Variants in RBFOX1 observed in about 807,000 individuals in gnomAD.
The protein encoded by RBFOX1 is RNA binding fox-1 homolog 1.
Under a neutral mutation model 57.7 loss-of-function variants are expected in RBFOX1, and 8 were observed. That is an observed-to-expected ratio of 0.14 (90% CI 0.08 to 0.25). The LOEUF is 0.25. Ranked by LOEUF, RBFOX1 falls within the 10% of genes least tolerant of loss-of-function variation. The pLI is 1.00. For synonymous variants in RBFOX1, 326 were observed against 222.4 expected (o/e 1.47, Z -4.15); for missense variants, 611 against 548.5 (o/e 1.11, Z -1.14).
intron 3 of RBFOX1, among the ~76,000 whole-genome samples, chr16:5,755,162 C>T (rs1414962585): frequency 2.4e-5 from 3 of 122,482 alleles, no homozygotes; most frequent in South Asian, 3.2e-4. Context: ...CATCCTGCAC[C>T]GCCCTTAATC....
intron 2 of RBFOX1, among the ~76,000 whole-genome samples, chr16:6,640,112 A>C (rs1415156698): frequency 1.3e-5 from 2 of 152,198 alleles, no homozygotes; most frequent in East Asian, 1.9e-4. Context: ...GATTTTAAAC[A>C]GGGTACACTG....
At position 5,874,777 on chromosome 16, in the gene RBFOX1, C is replaced by T. The variant is rs139775633; in HGVS notation, c.351+7442C>T. On this transcript the variant is annotated intron_variant, in intron 4 of 19. Transcript: ENST00000641259. ...AGGGCATTGTAGCAAGACCCTCTCT[C>T]TCCAAACAATTTAGAAAATTAGCCA... Among the ~76,000 whole-genome samples the T allele has an allele frequency of 6.5e-4, 99 of 152,216 alleles. No homozygotes were observed. The East Asian group carries it at 0.016, about 25-fold the overall frequency.
intron 5 of RBFOX1, among the ~76,000 whole-genome samples, chr16:7,569,215 T>C (rs927167092): frequency 6.6e-6 from 1 of 152,176 alleles, no homozygotes; most frequent in African/African-American, 2.4e-5. Flanking sequence ...ATACACCTAG[T>C]AACTTCCACA....
At chr16:6,655,824 G>A (rs79491907) in intron 3 of RBFOX1, among the ~76,000 whole-genome samples, 2,349 of 152,208 alleles carry the variant, frequency 0.015, 63 homozygotes, top group African/African-American at 0.053. Flanking sequence ...TTCAAGCAGA[G>A]GTTTTCAGCT....
At chr16:7,540,918 A>T (rs1474085038) in intron 5 of RBFOX1, among the ~76,000 whole-genome samples, 1 of 152,176 alleles carries the variant, frequency 6.6e-6, no homozygotes. Flanking sequence ...ATTTACCACT[A>T]AAACCTGTGT....
intron 1 of RBFOX1, among the ~76,000 whole-genome samples, chr16:5,349,063 C>A (rs147353930): frequency 2.0e-5 from 3 of 152,326 alleles, no homozygotes; most frequent in African/African-American, 7.2e-5. Flanking sequence ...AATTTCTCCA[C>A]ATGCTGGTCA....
intron 3 of RBFOX1, among the ~76,000 whole-genome samples, chr16:6,700,134 T>C: frequency 6.6e-6 from 1 of 151,978 alleles, no homozygotes; most frequent in East Asian, 1.9e-4. Flanking sequence ...GTAGAGGCAT[T>C]CCCCTAAGGT....
chr16:6,291,182 A>G (rs892831184), intron 1 of RBFOX1, among the ~76,000 whole-genome samples: 1 of 152,140 alleles, frequency 6.6e-6, no homozygotes, highest in African/African-American at 2.4e-5. Context: ...TTTATCAGCA[A>G]GGTCTTCTTG....
intron 2 of RBFOX1, among the ~76,000 whole-genome samples, chr16:6,449,128 C>T (rs1567299245): frequency 6.6e-6 from 1 of 152,142 alleles, no homozygotes; most frequent in Admixed American, 6.6e-5. Flanking sequence ...TATGACCCTT[C>T]GCTAATCACA....
At chr16:5,685,365 T>A (rs189581562) in intron 3 of RBFOX1, among the ~76,000 whole-genome samples, 1 of 152,304 alleles carries the variant, frequency 6.6e-6, no homozygotes, top group Admixed American at 6.5e-5. Flanking sequence ...ATGGAGGGGC[T>A]CTTATGAGTA....
chr16:6,733,566 G>A lies in RBFOX1; in HGVS notation c.-16+78916G>A, dbSNP rs543301709. 2.4e-4 allele frequency among the ~76,000 whole-genome samples: 37 copies of A among 152,238 alleles called. 1 individual carries two copies. In the South Asian group the frequency reaches 7.7e-3, roughly 32 times the overall value. Reference sequence around the variant, plus strand: ...TAATATGTAGCAAATATAAATAATGGTTGTAGCCTGCAGTAGTTAAAAACC... The same window carrying A: ...TAATATGTAGCAAATATAAATAATGATTGTAGCCTGCAGTAGTTAAAAACC... On this transcript the variant is annotated intron_variant, in intron 3 of 15. Coordinates refer to ENST00000550418, the MANE Select transcript of RBFOX1 (RefSeq NM_018723.4).
At chr16:7,235,901 C>T (rs1162371507) in intron 4 of RBFOX1, among the ~76,000 whole-genome samples, 3 of 152,034 alleles carry the variant, frequency 2.0e-5, no homozygotes, top group South Asian at 2.1e-4. Flanking sequence ...ATCACTGTCT[C>T]CTTGCCCTCC....
intron 3 of RBFOX1, among the ~76,000 whole-genome samples, chr16:6,766,379 C>G (rs925063109): frequency 6.6e-6 from 1 of 151,838 alleles, no homozygotes; most frequent in Admixed American, 6.6e-5. Context: ...TCTGTTTTTT[C>G]ATTGTAAATA....
intron 4 of RBFOX1, among the ~76,000 whole-genome samples, chr16:5,899,144 C>CAAAAAAAAAA (rs35163906): frequency 1.0e-5 from 1 of 100,080 alleles, no homozygotes; most frequent in African/African-American, 4.0e-5. Flanking sequence ...GACCCTGTCT[C>CAAAAAAAAAA]AAAAAAAAAA....
intron 1 of RBFOX1, among the ~76,000 whole-genome samples, chr16:5,291,637 G>T (rs1263796984): frequency 6.6e-6 from 1 of 152,232 alleles, no homozygotes; most frequent in African/African-American, 2.4e-5. Flanking sequence ...TGCACCTTCT[G>T]AAGTGATTGC....
chr16:7,188,531 C>T (rs1168968879), intron 4 of RBFOX1, among the ~76,000 whole-genome samples: 2 of 152,154 alleles, frequency 1.3e-5, no homozygotes, highest in Admixed American at 6.5e-5. Flanking sequence ...TGGGTGTCTG[C>T]ACCTTTTCTC....
chr16:5,386,658 C>T lies in RBFOX1; in HGVS notation c.220-80558C>T, dbSNP rs910346237. 1.2e-4 allele frequency among the ~76,000 whole-genome samples: 18 copies of T among 152,234 alleles called. No individual in the cohort carries two copies. The South Asian group carries it at 1.9e-3, about 16-fold the overall frequency. ...GAATGAATGCTCTTTTCACCTTTAC[C>T]CCCGGCAGACTCCCACACATCCTCA... On this transcript the variant is annotated intron_variant, in intron 1 of 2. Transcript: ENST00000585867.
chr16:5,691,508 G>T lies in RBFOX1; in HGVS notation c.318+92547G>T, dbSNP rs74731614. Among the ~76,000 whole-genome samples, 1,286 of 152,300 alleles carry T rather than the reference G, an allele frequency of 8.4e-3. 18 individuals carry two copies. Among genetic ancestry groups the T allele is most frequent in the Middle Eastern group, 0.014 (4 of 294 alleles). ...AAAATATGTATATATTTGTGTGTGT[G>T]TACAGGTTGAGTATCCCTTACCCAA... is the stretch of plus-strand genomic sequence containing the variant. On this transcript the variant is annotated intron_variant, in intron 3 of 19. Coordinates refer to the RBFOX1 transcript ENST00000641259.
At chr16:7,072,467 C>G (rs933274808) in intron 4 of RBFOX1, among the ~76,000 whole-genome samples, 1 of 152,148 alleles carries the variant, frequency 6.6e-6, no homozygotes, top group South Asian at 2.1e-4. Flanking sequence ...TTGTTCTTAA[C>G]TCTACTCTCT....
Sources: allele counts gnomAD v4.1 joint callset (sites outside exome capture counted in the v4.1 genomes callset), GRCh38; gene constraint gnomAD v4.1.1; transcripts MANE v1.5; gene names NCBI Gene and HGNC (gene_info 2026-07-23, HGNC 2026-07-21).